The following APP variants were observed in gnomAD, a reference collection of about 807,000 sequenced individuals.
APP encodes amyloid-beta precursor protein.
A neutral mutation model predicts 101.4 loss-of-function variants in APP; 31 were observed. The observed-to-expected ratio is 0.31, with a 90% CI of 0.23 to 0.41. The LOEUF is 0.41. APP is among the 10% of genes least tolerant of loss of function. APP has a pLI of 1.00. For synonymous variants in APP, 366 were observed against 364.4 expected (o/e 1.00, Z -0.05); for missense variants, 839 against 1,003.7 (o/e 0.84, Z 2.22).
chr21:25,934,033 C>T (rs1431486563), intron 13 of APP: 1 of 152,098 alleles, frequency 6.6e-6, no homozygotes, highest in Non-Finnish European at 1.5e-5. Flanking sequence ...GATGAGGTCA[C>T]AATGGAGAAG....
intron 8 of APP, among the ~76,000 whole-genome samples, chr21:25,992,296 G>T (rs151108705): frequency 0.012 from 1,839 of 152,020 alleles, 15 homozygotes; most frequent in Non-Finnish European, 0.019. Context: ...GCTGAGACAG[G>T]GGGATCTCTT....
chr21:26,136,207 A>AAAGAAAGAAAGAAAGAAAGAAAG (rs1273283293), intron 1 of APP, among the ~76,000 whole-genome samples: 21 of 137,414 alleles, frequency 1.5e-4, no homozygotes, highest in African/African-American at 5.3e-4. Context: ...GAAAGAAAAG[A>AAAGAAAGAAAGAAAGAAAGAAAG]AAAGAAAGAA....
chr21:25,959,975 C>G (rs534049623), intron 11 of APP, among the ~76,000 whole-genome samples: 1 of 152,246 alleles, frequency 6.6e-6, no homozygotes, highest in South Asian at 2.1e-4. Flanking sequence ...ATAATGTTCC[C>G]GGACTGAACT....
intron 1 of APP, chr21:26,140,068 T>G: frequency 9.6e-7 from 1 of 1,045,654 alleles, no homozygotes; most frequent in South Asian, 1.4e-5. Flanking sequence ...ATTGTACTTT[T>G]GAAAGATATT....
chr21:25,905,681 G>C (rs1345668994), intron 14 of APP, among the ~76,000 whole-genome samples: 1 of 152,178 alleles, frequency 6.6e-6, no homozygotes, highest in Non-Finnish European at 1.5e-5. Context: ...GCTTCCATTT[G>C]ACAGATGACA....
chr21:26,170,800 G>T, upstream of APP: 1 of 614,658 alleles, frequency 1.6e-6, no homozygotes, highest in Non-Finnish European at 2.6e-6. Context: ...GGGGCTCAGA[G>T]CCAGGCGAGT....
At chr21:25,932,238 A>G (rs1232595681) in intron 13 of APP, among the ~76,000 whole-genome samples, 1 of 152,232 alleles carries the variant, frequency 6.6e-6, no homozygotes, top group Non-Finnish European at 1.5e-5. Flanking sequence ...GCCGAGAACA[A>G]AGAAGAAAAT....
chr21:25,977,461 T>C (rs902910565), intron 9 of APP, among the ~76,000 whole-genome samples: 1 of 152,194 alleles, frequency 6.6e-6, no homozygotes, highest in African/African-American at 2.4e-5. Flanking sequence ...CCTTAAGGAA[T>C]AGACTCTTCT....
chr21:26,003,707 A>G (rs1040507499), intron 6 of APP, among the ~76,000 whole-genome samples: 20 of 152,218 alleles, frequency 1.3e-4, no homozygotes, highest in African/African-American at 4.8e-4. Flanking sequence ...ATGAGCAGAT[A>G]GGCCTTCTCT....
intron 5 of APP, among the ~76,000 whole-genome samples, chr21:26,046,606 G>A (rs995003302): frequency 2.6e-5 from 4 of 151,754 alleles, no homozygotes; most frequent in Admixed American, 6.6e-5. Context: ...CTCAGCACAC[G>A]CTCACCAGTG....
intron 1 of APP, among the ~76,000 whole-genome samples, chr21:26,123,607 T>G (rs933961943): frequency 1.3e-5 from 2 of 152,200 alleles, no homozygotes; most frequent in African/African-American, 4.8e-5. Flanking sequence ...TTTTTCGAAT[T>G]GCCATTTCTA....
chr21:25,892,045 TTAAA>T (rs2037732335), intron 16 of APP, among the ~76,000 whole-genome samples, 177 bp from the exon 17 acceptor site: 1 of 88,492 alleles, frequency 1.1e-5, no homozygotes, highest in African/African-American at 3.1e-5. Context: ...GATGCTTACT[TTAAA>T]AAAAAAAAAA....
intron 17 of APP, 102 bp downstream of exon 17, chr21:25,891,620 G>T (rs1218283015): frequency 2.5e-6 from 3 of 1,221,140 alleles, no homozygotes; most frequent in Non-Finnish European, 3.6e-6. Flanking sequence ...ACACTGATTC[G>T]TTTTTTAAAA....
At position 26,050,895 on chromosome 21, in the gene APP, G is replaced by A. The variant is rs1568911383; in HGVS notation, c.662+105C>T. ...TAACAGCAGACTCTGATGGGAGTGGGCAGAGACCTTTTCAGTGATAAACAG... is the reference window on the plus strand; with the variant it reads ...TAACAGCAGACTCTGATGGGAGTGGACAGAGACCTTTTCAGTGATAAACAG... On this transcript the variant is annotated intron_variant, in intron 5 of 17. Transcript: ENST00000346798. 6 of 1,383,340 alleles carry A rather than the reference G, an allele frequency of 4.3e-6. No homozygotes were observed. The East Asian group carries it at 9.6e-5, about 22-fold the overall frequency. 85.7% of individuals were successfully genotyped at this position (1,383,340 alleles called of 1,614,324 possible).
At chr21:25,909,236 C>G (rs958903399) in intron 14 of APP, among the ~76,000 whole-genome samples, 1 of 138,430 alleles carries the variant, frequency 7.2e-6, no homozygotes, top group Non-Finnish European at 1.5e-5. Context: ...GCACTCCAGC[C>G]AGCCTGGGCG....
intron 5 of APP, among the ~76,000 whole-genome samples, chr21:26,047,184 C>G (rs896896730): frequency 2.6e-5 from 4 of 152,096 alleles, no homozygotes; most frequent in Admixed American, 2.0e-4. Context: ...AGAGCTCATC[C>G]TACAAGGAAT....
At chr21:26,079,222 A>G (rs140082623) in intron 3 of APP, among the ~76,000 whole-genome samples, 2 of 152,294 alleles carry the variant, frequency 1.3e-5, no homozygotes, top group East Asian at 3.9e-4. Flanking sequence ...AAGCGGCTAG[A>G]GTAGAAAAAG....
chr21:26,101,372 C>T (rs1053687180), intron 2 of APP, among the ~76,000 whole-genome samples: 4 of 152,250 alleles, frequency 2.6e-5, no homozygotes, highest in Admixed American at 1.3e-4. Flanking sequence ...GCTGGGATTA[C>T]AGGTGTGAGC....
intron 3 of APP, among the ~76,000 whole-genome samples, chr21:26,055,216 G>A (rs899202667): frequency 6.6e-6 from 1 of 152,146 alleles, no homozygotes; most frequent in Non-Finnish European, 1.5e-5. Context: ...ACCCCATGCA[G>A]CTCCACAGGG....
Sources: allele counts gnomAD v4.1 joint callset (sites outside exome capture counted in the v4.1 genomes callset), GRCh38; gene constraint gnomAD v4.1.1; transcripts MANE v1.5; gene names NCBI Gene and HGNC (gene_info 2026-07-23, HGNC 2026-07-21).